The following DIS3L2 variants were observed in gnomAD, a reference collection of about 807,000 sequenced individuals.
The protein encoded by DIS3L2 is DIS3 like 3'-5' exoribonuclease 2, also known as DIS3-like exonuclease 2.
DIS3L2 carries 34 observed loss-of-function variants against 97.5 expected under a neutral mutation model. The observed-to-expected ratio is 0.35, with a 90% CI of 0.27 to 0.46. The LOEUF is 0.46. Ranked by LOEUF, DIS3L2 falls within the 20% of genes least tolerant of loss-of-function variation. The pLI is 1.00. For missense variants in DIS3L2, 1,038 were observed against 1,146.0 expected (o/e 0.91, Z 1.36); for synonymous variants, 435 against 445.2 (o/e 0.98, Z 0.29).
At chr2:232,213,148 C>T (rs1321036584) in intron 10 of DIS3L2, among the ~76,000 whole-genome samples, 2 of 152,228 alleles carry the variant, frequency 1.3e-5, no homozygotes, top group Admixed American at 6.5e-5. Context: ...TGATTTCATT[C>T]GAATGATGGG....
At chr2:232,321,292 C>T (rs989228153) in intron 14 of DIS3L2, among the ~76,000 whole-genome samples, 1 of 152,136 alleles carries the variant, frequency 6.6e-6, no homozygotes, top group African/African-American at 2.4e-5. Context: ...TGGAGACCTC[C>T]TGAGCTTTCT....
At chr2:232,093,500 A>G (rs747045535) in intron 6 of DIS3L2, among the ~76,000 whole-genome samples, 7 of 152,166 alleles carry the variant, frequency 4.6e-5, no homozygotes, top group Non-Finnish European at 1.0e-4. Context: ...AGAATTCAAT[A>G]GTGAAGCCAT....
chr2:232,201,027 G>A (rs934157294), intron 9 of DIS3L2, among the ~76,000 whole-genome samples: 18 of 152,220 alleles, frequency 1.2e-4, no homozygotes, highest in Middle Eastern at 6.8e-3. Context: ...TGCCCGCCTC[G>A]GCCTCCCAAA....
At chr2:232,031,210 T>C (rs1476230415) in intron 5 of DIS3L2, among the ~76,000 whole-genome samples, 1 of 152,202 alleles carries the variant, frequency 6.6e-6, no homozygotes, top group African/African-American at 2.4e-5. Context: ...GAAATGTTCT[T>C]ACTAGCTTTT....
intron 5 of DIS3L2, among the ~76,000 whole-genome samples, chr2:232,036,068 G>C (rs578035549): frequency 6.6e-6 from 1 of 152,128 alleles, no homozygotes; most frequent in African/African-American, 2.4e-5. Context: ...ATGTTGGCCT[G>C]TCTTGCTAGG....
intron 14 of DIS3L2, among the ~76,000 whole-genome samples, chr2:232,328,069 G>A (rs1344112354): frequency 6.6e-6 from 1 of 152,228 alleles, no homozygotes; most frequent in Non-Finnish European, 1.5e-5. Context: ...TTGGCAGGAA[G>A]TGGTGGGCAC....
chr2:232,045,487 A>G (rs1409050507), intron 5 of DIS3L2, among the ~76,000 whole-genome samples: 2 of 152,146 alleles, frequency 1.3e-5, no homozygotes, highest in African/African-American at 4.8e-5. Context: ...AGATCAAGGC[A>G]CTGGCAGGTT....
intron 6 of DIS3L2, among the ~76,000 whole-genome samples, chr2:232,098,355 A>ATTTTTTT (rs371321680): frequency 7.2e-6 from 1 of 138,678 alleles, no homozygotes; most frequent in Non-Finnish European, 1.5e-5. Context: ...GAGGTTTCTA[A>ATTTTTTT]TTTTTTTTTT....
chr2:232,110,295 A>G (rs1697487951), intron 6 of DIS3L2, among the ~76,000 whole-genome samples: 1 of 152,222 alleles, frequency 6.6e-6, no homozygotes. Context: ...CGATTCCTCA[A>G]AGACCTAGAG....
At chr2:232,215,213 A>G (rs182807719) in intron 10 of DIS3L2, among the ~76,000 whole-genome samples, 7 of 152,286 alleles carry the variant, frequency 4.6e-5, no homozygotes, top group African/African-American at 1.4e-4. Context: ...CCAGCTGGCT[A>G]TCATAGTCAC....
At chr2:232,059,931 G>A (rs1463929410) in intron 5 of DIS3L2, among the ~76,000 whole-genome samples, 2 of 152,120 alleles carry the variant, frequency 1.3e-5, no homozygotes, top group Admixed American at 1.3e-4. Context: ...ATTGTGTATA[G>A]TGCTGCAATG....
intron 1 of DIS3L2, among the ~76,000 whole-genome samples, chr2:231,985,351 C>T (rs947312957): frequency 1.3e-5 from 2 of 152,182 alleles, no homozygotes; most frequent in African/African-American, 4.8e-5. Flanking sequence ...TTGAGATTGA[C>T]TTTTCTTTAT....
At chr2:232,076,210 T>G (rs2106292669) in intron 5 of DIS3L2, among the ~76,000 whole-genome samples, 1 of 152,380 alleles carries the variant, frequency 6.6e-6, no homozygotes, top group Admixed American at 6.5e-5. Flanking sequence ...TTGCATTTTC[T>G]TATCTCTTTG....
At chr2:232,045,838 C>A (rs928227649) in intron 5 of DIS3L2, among the ~76,000 whole-genome samples, 1 of 151,972 alleles carries the variant, frequency 6.6e-6, no homozygotes, top group African/African-American at 2.4e-5. Context: ...CCACGCCCAG[C>A]TAATTTTTGT....
intron 5 of DIS3L2, among the ~76,000 whole-genome samples, chr2:232,055,250 C>G (rs1695515795): frequency 6.6e-6 from 1 of 151,870 alleles, no homozygotes; most frequent in Non-Finnish European, 1.5e-5. Flanking sequence ...TGCGATAAAG[C>G]AAGAAAAAAG....
Position 231,968,332 on chromosome 2 carries a change from G to A in DIS3L2, c.-94+6567G>A, listed in dbSNP as rs546753129. ...AGGATGGTCTTGATCTCCTGACCTC[G>A]TGATCCGCCCGCCTCGGTCTCCCAA... On this transcript the variant is annotated intron_variant, in intron 1 of 20. Transcript: ENST00000325385. Among the ~76,000 whole-genome samples, 12 of 152,260 alleles carry A rather than the reference G, an allele frequency of 7.9e-5. No individual in the cohort carries two copies. In the South Asian group the frequency reaches 1.7e-3, roughly 21 times the overall value.
chr2:232,019,371 G>A lies in DIS3L2; in HGVS notation c.210+3700G>A, dbSNP rs377511884. Among the ~76,000 whole-genome samples, 6 of 152,226 alleles carry A rather than the reference G, an allele frequency of 3.9e-5. No homozygotes were observed. The East Asian group carries it at 1.2e-3, about 29-fold the overall frequency. On this transcript the variant is annotated intron_variant, in intron 3 of 20. Coordinates refer to ENST00000325385, the MANE Select transcript of DIS3L2 (RefSeq NM_152383.5). The stretch of plus-strand genomic sequence containing the variant: ...GTTTAAGACCAGCCTGGGCAACATA[G>A]TGAGACTTCATCTGTACAAAATAAA...
At chr2:232,050,867 A>G (rs539769388) in intron 5 of DIS3L2, among the ~76,000 whole-genome samples, 4 of 152,362 alleles carry the variant, frequency 2.6e-5, no homozygotes, top group African/African-American at 9.6e-5. Context: ...GATATGTTTT[A>G]ACAGAGATCT....
downstream of DIS3L2, among the ~76,000 whole-genome samples, chr2:232,339,139 C>T (rs923247767): frequency 1.1e-4 from 17 of 152,348 alleles, no homozygotes; most frequent in Admixed American, 3.3e-4. Context: ...TGCAGCCACC[C>T]TCCTGGGGAG....
Sources: gnomAD v4.1 joint callset for allele counts (sites outside exome capture counted in the v4.1 genomes callset) on GRCh38, gnomAD v4.1.1 for gene constraint, MANE v1.5 for transcripts, NCBI Gene and HGNC (gene_info 2026-07-23, HGNC 2026-07-21) for gene names.